Variants in IPCEF1 observed in about 807,000 individuals in gnomAD.
The protein encoded by IPCEF1 is interactor protein for cytohesin exchange factors 1.
IPCEF1 carries 31 observed loss-of-function variants against 50.9 expected under a neutral mutation model. The observed-to-expected ratio is 0.61, with a 90% CI of 0.46 to 0.82. The LOEUF (loss-of-function observed/expected upper bound fraction) is 0.82, where lower values mean the gene tolerates loss of function less well. Among genes scored for constraint, IPCEF1 ranks in the 40% least tolerant of loss-of-function variants. IPCEF1 has a pLI of 0.00. For missense variants in IPCEF1, 458 were observed against 514.0 expected (o/e 0.89, Z 1.05); for synonymous variants, 181 against 192.0 (o/e 0.94, Z 0.47).
intron 2 of IPCEF1, among the ~76,000 whole-genome samples, chr6:154,275,417 A>G (rs1782031441): frequency 6.6e-6 from 1 of 152,170 alleles, no homozygotes; most frequent in Non-Finnish European, 1.5e-5. Context: ...CCAGGTCCCT[A>G]CTAGGGTATC....
intron 3 of IPCEF1, among the ~76,000 whole-genome samples, chr6:154,247,866 CA>C (rs1269499731): frequency 6.6e-6 from 1 of 152,128 alleles, no homozygotes; most frequent in Non-Finnish European, 1.5e-5. Flanking sequence ...GCTTCTTTTG[CA>C]ATTTCTAAAT....
At chr6:154,230,124 T>G (rs918620707) in intron 5 of IPCEF1, among the ~76,000 whole-genome samples, 2 of 152,186 alleles carry the variant, frequency 1.3e-5, no homozygotes, top group South Asian at 4.1e-4. Context: ...TATTTAAAAC[T>G]GATTTATTAT....
chr6:154,308,303 A>C (rs1388957273), intron 1 of IPCEF1, among the ~76,000 whole-genome samples: 1 of 151,680 alleles, frequency 6.6e-6, no homozygotes, highest in East Asian at 1.9e-4. Context: ...TTTTGTAGAG[A>C]TGTTTTGTTT....
chr6:154,354,404 T>TCTCCACCACCACCTCCACCACCAC (rs1218198036), intron 1 of IPCEF1, among the ~76,000 whole-genome samples: 3 of 20,770 alleles, frequency 1.4e-4, no homozygotes, highest in African/African-American at 1.3e-3. Flanking sequence ...CCAACCACCA[T>TCTCCACCACCACCTCCACCACCAC]CTCCACCACC....
At chr6:154,202,861 G>GA (rs1242186294) in intron 9 of IPCEF1, among the ~76,000 whole-genome samples, 1 of 151,814 alleles carries the variant, frequency 6.6e-6, no homozygotes, top group Non-Finnish European at 1.5e-5. Context: ...AGAATGAAGG[G>GA]AAAAAAAGAA....
intron 10 of IPCEF1, among the ~76,000 whole-genome samples, chr6:154,194,525 C>G (rs1776430998): frequency 2.0e-5 from 3 of 152,088 alleles, no homozygotes; most frequent in Non-Finnish European, 2.9e-5. Flanking sequence ...TCCAACTCCT[C>G]AACCCCTCCT....
At chr6:154,187,831 T>C (rs1017158443) in intron 10 of IPCEF1, among the ~76,000 whole-genome samples, 1 of 152,232 alleles carries the variant, frequency 6.6e-6, no homozygotes, top group African/African-American at 2.4e-5. Flanking sequence ...AATAGAGGTA[T>C]TTTTCTTCTT....
At chr6:154,332,962 G>T (rs998481639) in intron 1 of IPCEF1, among the ~76,000 whole-genome samples, 1 of 152,082 alleles carries the variant, frequency 6.6e-6, no homozygotes, top group Admixed American at 6.6e-5. Flanking sequence ...AGAGAGAATC[G>T]AAAAACAATT....
chr6:154,209,680 T>A (rs556193754), intron 9 of IPCEF1, among the ~76,000 whole-genome samples: 8 of 152,132 alleles, frequency 5.3e-5, no homozygotes, highest in Admixed American at 1.3e-4. Flanking sequence ...ATATTTTTTT[T>A]ATTTCATCTG....
chr6:154,292,290 A>AC (rs1263109926), intron 1 of IPCEF1, among the ~76,000 whole-genome samples: 2 of 152,192 alleles, frequency 1.3e-5, no homozygotes, highest in African/African-American at 4.8e-5. Flanking sequence ...TTCTTTGTAT[A>AC]CATTAGGAAA....
chr6:154,268,374 C>T (rs969871739), intron 2 of IPCEF1, among the ~76,000 whole-genome samples: 2 of 152,192 alleles, frequency 1.3e-5, no homozygotes, highest in South Asian at 2.1e-4. Context: ...TGCAGCAGCA[C>T]CCAGGGAGCT....
chr6:154,331,476 GA>G (rs1783672258), intron 1 of IPCEF1, among the ~76,000 whole-genome samples: 1 of 123,084 alleles, frequency 8.1e-6, no homozygotes, highest in African/African-American at 3.3e-5. Context: ...AAAGAAAGGG[GA>G]AGGAAGAAAA....
chr6:154,208,318 T>C (rs1777671806), intron 9 of IPCEF1, among the ~76,000 whole-genome samples: 1 of 152,074 alleles, frequency 6.6e-6, no homozygotes, highest in African/African-American at 2.4e-5. Context: ...CTTGGAAAAC[T>C]TTTCCCCCAA....
At position 154,168,287 on chromosome 6, in the gene IPCEF1, T is replaced by C. The variant is rs1336275925; in HGVS notation, c.911-174A>G. On this transcript the variant is annotated intron_variant, in intron 10 of 11. Transcript: ENST00000367220. This position sits in a 1 kb window ranked among gnomAD's most constrained non-coding sequence, Gnocchi z 4.1. ...GTCTAAGCCACCCAGTTTGCGATAC[T>C]TTGTTACTGCAGAGCCACGTTCCCT... Among the ~76,000 whole-genome samples, 1 of 152,190 alleles carries C rather than the reference T, an allele frequency of 6.6e-6. No individual in the cohort carries two copies. Among genetic ancestry groups the C allele is most frequent in the African/African-American group, 2.4e-5 (1 of 41,442 alleles).
intron 2 of IPCEF1, among the ~76,000 whole-genome samples, chr6:154,284,259 TTAAAA>T (rs1364153277): frequency 6.6e-6 from 1 of 152,206 alleles, no homozygotes; most frequent in Non-Finnish European, 1.5e-5. Context: ...TTTTAAAATA[TTAAAA>T]TAACTCAATT....
chr6:154,160,508 A>T (rs1031507155), intron 11 of IPCEF1, among the ~76,000 whole-genome samples: 4 of 152,258 alleles, frequency 2.6e-5, no homozygotes, highest in African/African-American at 9.6e-5. Context: ...TATTTTTAAT[A>T]AATCACATTT....
At chr6:154,283,031 T>G (rs1388180046) in intron 2 of IPCEF1, among the ~76,000 whole-genome samples, 1 of 151,942 alleles carries the variant, frequency 6.6e-6, no homozygotes, top group Non-Finnish European at 1.5e-5. Flanking sequence ...AGGAACCTCA[T>G]TCCTGTAATC....
intron 2 of IPCEF1, among the ~76,000 whole-genome samples, chr6:154,266,467 T>C (rs1170129004): frequency 6.6e-6 from 1 of 151,386 alleles, no homozygotes; most frequent in Non-Finnish European, 1.5e-5. Flanking sequence ...AAAGTTGAGT[T>C]CATAAGATAA....
At chr6:154,256,022 C>A (rs1781452521) in intron 3 of IPCEF1, among the ~76,000 whole-genome samples, 1 of 152,082 alleles carries the variant, frequency 6.6e-6, no homozygotes, top group African/African-American at 2.4e-5. Flanking sequence ...TTCTATCTTT[C>A]TTAGCATTGT....
Sources: allele counts gnomAD v4.1 joint callset (sites outside exome capture counted in the v4.1 genomes callset), GRCh38; gene constraint gnomAD v4.1.1; non-coding constraint Gnocchi (gnomAD v3.1); transcripts MANE v1.5; gene names NCBI Gene and HGNC (gene_info 2026-07-23, HGNC 2026-07-21).